The following MAGI2 variants were observed in gnomAD, a reference collection of about 807,000 sequenced individuals.
MAGI2 encodes the protein membrane associated guanylate kinase, WW and PDZ domain containing 2, also known as membrane-associated guanylate kinase, WW and PDZ domain-containing protein 2.
MAGI2 carries 35 observed loss-of-function variants against 133.3 expected under a neutral mutation model. The ratio of observed to expected loss-of-function variants is 0.26; its 90% CI spans 0.20 to 0.35. The LOEUF (loss-of-function observed/expected upper bound fraction) is 0.35, where lower values mean the gene tolerates loss of function less well. MAGI2 is among the 10% of genes least tolerant of loss of function. The pLI, the probability that MAGI2 is intolerant of heterozygous loss-of-function variation, is 1.00. For synonymous variants in MAGI2, 729 were observed against 710.6 expected (o/e 1.03, Z -0.41); for missense variants, 1,636 against 1,863.4 (o/e 0.88, Z 2.25).
At chr7:78,880,587 G>A (rs967358074) in intron 2 of MAGI2, among the ~76,000 whole-genome samples, 2 of 152,050 alleles carry the variant, frequency 1.3e-5, no homozygotes, top group Non-Finnish European at 2.9e-5. Context: ...TTCTAAACAC[G>A]GAAACAAAAG....
At chr7:78,864,365 T>G (rs1245021046) in intron 2 of MAGI2, among the ~76,000 whole-genome samples, 1 of 152,228 alleles carries the variant, frequency 6.6e-6, no homozygotes, top group South Asian at 2.1e-4. Flanking sequence ...TGTTTATAAT[T>G]CATACATTAG....
chr7:79,112,479 C>T (rs187347187), intron 1 of MAGI2, among the ~76,000 whole-genome samples: 6 of 152,290 alleles, frequency 3.9e-5, no homozygotes, highest in Admixed American at 3.3e-4. Context: ...TATTTTCCTT[C>T]TCTGCAGTCT....
At chr7:78,071,363 C>T (rs1433514497) in intron 21 of MAGI2, among the ~76,000 whole-genome samples, 10 of 152,106 alleles carry the variant, frequency 6.6e-5, no homozygotes, top group Admixed American at 2.6e-4. Flanking sequence ...TGGTGAAACC[C>T]GGTCTCTACT....
chr7:78,612,108 A>G (rs1806515291), intron 3 of MAGI2, among the ~76,000 whole-genome samples: 1 of 152,182 alleles, frequency 6.6e-6, no homozygotes, highest in Non-Finnish European at 1.5e-5. Flanking sequence ...GTTTGTAAAA[A>G]TCGTATGCTA....
intron 6 of MAGI2, among the ~76,000 whole-genome samples, chr7:78,473,142 C>T (rs1791398310): frequency 1.3e-5 from 2 of 152,034 alleles, no homozygotes; most frequent in Admixed American, 1.3e-4. Context: ...ACAACAGATA[C>T]CCACAAAAGC....
At chr7:78,429,785 A>G (rs1799620065) in intron 6 of MAGI2, among the ~76,000 whole-genome samples, 2 of 152,114 alleles carry the variant, frequency 1.3e-5, no homozygotes, top group South Asian at 4.1e-4. Flanking sequence ...AGCACTTGCT[A>G]TATGCCAGTA....
At chr7:78,904,807 C>G (rs572271922) in intron 2 of MAGI2, among the ~76,000 whole-genome samples, 1 of 152,058 alleles carries the variant, frequency 6.6e-6, no homozygotes, top group Non-Finnish European at 1.5e-5. Context: ...CCCTGGCCCC[C>G]GGGCAATAAA....
chr7:78,368,288 C>T (rs1031415719), intron 7 of MAGI2, among the ~76,000 whole-genome samples: 1 of 152,160 alleles, frequency 6.6e-6, no homozygotes, highest in African/African-American at 2.4e-5. Context: ...ACCTGTAACT[C>T]TTGACCATCT....
Position 79,136,072 on chromosome 7 carries a change from A to AGAAAGAAAGAAAGAAAGAAG in MAGI2, c.302-128867_302-128866insCTTCTTTCTTTCTTTCTTTC, listed in dbSNP as rs1821488593. Among the ~76,000 whole-genome samples the AGAAAGAAAGAAAGAAAGAAG allele has an allele frequency of 4.6e-5, 2 of 43,168 alleles. 1 individual carries two copies. Among genetic ancestry groups the AGAAAGAAAGAAAGAAAGAAG allele is most frequent in the African/African-American group, 1.7e-4 (2 of 12,076 alleles). 28.3% of individuals were successfully genotyped at this position (43,168 alleles called of 152,430 possible). A position where few individuals can be genotyped will look rare whatever the true frequency, so the allele number is the denominator to read the frequency against. The stretch of plus-strand genomic sequence containing the variant: ...AGGAAAGAAAGAAAGAAAGAAGGAA[A>AGAAAGAAAGAAAGAAAGAAG]GAAAGAAAGAAAGAAAGAAAGAAAG... On this transcript the variant is annotated intron_variant, in intron 1 of 21. Transcript: ENST00000354212.
chr7:78,607,267 C>T lies in MAGI2; in HGVS notation c.538+19853G>A, dbSNP rs536150800. ...CTAGGGGGCAGTCATGTCACCCAATCGCAGATAATCAGATAACTCTTGCCA... is the reference window on the plus strand; with the variant it reads ...CTAGGGGGCAGTCATGTCACCCAATTGCAGATAATCAGATAACTCTTGCCA... On this transcript the variant is annotated intron_variant, in intron 3 of 21. Transcript: ENST00000354212. 2.0e-4 allele frequency among the ~76,000 whole-genome samples: 31 copies of T among 152,100 alleles called. No homozygotes were observed. The South Asian group carries it at 6.4e-3, about 32-fold the overall frequency.
intron 21 of MAGI2, among the ~76,000 whole-genome samples, chr7:78,022,042 TGC>T (rs1808448286): frequency 6.6e-6 from 1 of 152,212 alleles, no homozygotes; most frequent in Non-Finnish European, 1.5e-5. Flanking sequence ...CATTTCCAGG[TGC>T]TGTGATTCCC....
chr7:78,134,438 C>T (rs1044722128), intron 17 of MAGI2: 2 of 152,492 alleles, frequency 1.3e-5, no homozygotes, highest in African/African-American at 4.8e-5. Flanking sequence ...TTCACAGCTC[C>T]ATGACCCCTT....
chr7:78,396,660 TCTTCA>T (rs1796374605), intron 6 of MAGI2, among the ~76,000 whole-genome samples: 2 of 152,200 alleles, frequency 1.3e-5, no homozygotes, highest in Non-Finnish European at 2.9e-5. Context: ...CTCATTCTAA[TCTTCA>T]CTTGAGACTC....
intron 10 of MAGI2, among the ~76,000 whole-genome samples, chr7:78,242,590 A>G (rs1791274181): frequency 3.3e-5 from 5 of 152,182 alleles, no homozygotes; most frequent in African/African-American, 1.2e-4. Flanking sequence ...TGAATGTGGA[A>G]TATCCACTTT....
chr7:78,853,990 G>C (rs1584156683), intron 2 of MAGI2, among the ~76,000 whole-genome samples: 1 of 151,896 alleles, frequency 6.6e-6, no homozygotes, highest in East Asian at 1.9e-4. Flanking sequence ...TGATTTAAGA[G>C]TTTCTATCCA....
chr7:78,263,615 G>T (rs903541542), intron 9 of MAGI2, among the ~76,000 whole-genome samples: 2 of 152,092 alleles, frequency 1.3e-5, no homozygotes, highest in African/African-American at 4.8e-5. Context: ...TTCTGGTCGG[G>T]ATTGGCTCAA....
At chr7:79,038,230 G>A (rs939959319) in intron 1 of MAGI2, among the ~76,000 whole-genome samples, 7 of 152,172 alleles carry the variant, frequency 4.6e-5, no homozygotes, top group African/African-American at 1.7e-4. Context: ...TTACAAGAAA[G>A]TCAGGTAAAA....
chr7:78,324,339 C>T (rs546430131), intron 9 of MAGI2, among the ~76,000 whole-genome samples: 1 of 152,178 alleles, frequency 6.6e-6, no homozygotes, highest in African/African-American at 2.4e-5. Context: ...GCCTGAGAGG[C>T]AATTACTGAG....
intron 1 of MAGI2, among the ~76,000 whole-genome samples, chr7:79,417,860 T>C (rs1394184589): frequency 1.3e-5 from 2 of 152,068 alleles, no homozygotes; most frequent in African/African-American, 2.4e-5. Flanking sequence ...ACATTCTTGA[T>C]GTAGAAACAA....
Sources: allele counts gnomAD v4.1 joint callset (sites outside exome capture counted in the v4.1 genomes callset), GRCh38; gene constraint gnomAD v4.1.1; transcripts MANE v1.5; gene names NCBI Gene and HGNC (gene_info 2026-07-23, HGNC 2026-07-21).